SDK1: variants seen among roughly 807,000 people sequenced by gnomAD.
SDK1 encodes the protein sidekick cell adhesion molecule 1, also known as protein sidekick-1.
In SDK1, 157 loss-of-function variants were observed where a neutral mutation model predicts 245.5. The observed-to-expected ratio is 0.64, with a 90% confidence interval of 0.56 to 0.73. The LOEUF is 0.73. Among genes scored for constraint, SDK1 ranks in the 30% least tolerant of loss-of-function variants. The pLI is 0.00. For synonymous variants in SDK1, 1,647 were observed against 1,278.5 expected (o/e 1.29, Z -6.15); for missense variants, 3,583 against 3,002.3 (o/e 1.19, Z -4.52).
intron 4 of SDK1, among the ~76,000 whole-genome samples, chr7:3,665,906 T>G (rs937794847): frequency 6.6e-6 from 1 of 152,168 alleles, no homozygotes; most frequent in African/African-American, 2.4e-5. Context: ...TGGTTCCATT[T>G]ATGAAGGGCA....
chr7:3,335,418 AT>A (rs1441040248), intron 1 of SDK1, among the ~76,000 whole-genome samples: 35 of 121,462 alleles, frequency 2.9e-4, no homozygotes, highest in Admixed American at 2.6e-3. Flanking sequence ...AATGGTACTT[AT>A]CTTTTTTTTT....
At chr7:3,503,141 G>T (rs1333254741) in intron 1 of SDK1, among the ~76,000 whole-genome samples, 7 of 152,104 alleles carry the variant, frequency 4.6e-5, no homozygotes, top group African/African-American at 1.7e-4. Context: ...TCTGCAAATG[G>T]CAAGGGAGTA....
intron 1 of SDK1, among the ~76,000 whole-genome samples, chr7:3,498,028 T>C (rs543563206): frequency 6.6e-6 from 1 of 152,346 alleles, no homozygotes; most frequent in South Asian, 2.1e-4. Flanking sequence ...TCGATTATAA[T>C]TGATTTAAAG....
chr7:3,965,662 C>T lies in SDK1; in HGVS notation c.1430-1656C>T, dbSNP rs545132226. On this transcript the variant is annotated intron_variant, in intron 9 of 44. Coordinates refer to ENST00000404826, the MANE Select transcript of SDK1 (RefSeq NM_152744.4). The stretch of plus-strand genomic sequence containing the variant: ...AAGACAGGTGAGGTTCCTGTGCTTC[C>T]AGGACAGAGGGTCTGCAGGGAGGAG... Among the ~76,000 whole-genome samples, 8 of 152,154 alleles carry T rather than the reference C, an allele frequency of 5.3e-5. No homozygotes were observed. The East Asian group carries it at 9.7e-4, about 18-fold the overall frequency.
chr7:3,631,272 G>A (rs1200324450), intron 2 of SDK1, among the ~76,000 whole-genome samples: 2 of 152,018 alleles, frequency 1.3e-5, no homozygotes, highest in Non-Finnish European at 2.9e-5. Context: ...AATCTATTGA[G>A]CTCTCTCTGT....
chr7:3,986,596 C>G (rs892978222), intron 13 of SDK1, among the ~76,000 whole-genome samples: 1 of 152,116 alleles, frequency 6.6e-6, no homozygotes, highest in African/African-American at 2.4e-5. Flanking sequence ...CATGGTGGCT[C>G]ACGCCTGTAA....
intron 1 of SDK1, among the ~76,000 whole-genome samples, chr7:3,526,664 G>T (rs974239789): frequency 5.3e-5 from 8 of 152,102 alleles, no homozygotes; most frequent in African/African-American, 1.9e-4. Flanking sequence ...GTTTCCTGCA[G>T]TCCCATTTAT....
chr7:3,367,442 G>C (rs1273581150), intron 1 of SDK1, among the ~76,000 whole-genome samples: 5 of 152,146 alleles, frequency 3.3e-5, no homozygotes, highest in Non-Finnish European at 5.9e-5. Flanking sequence ...CATCATTCCA[G>C]GTCCTATTTT....
chr7:3,793,988 C>A (rs1224025756), intron 4 of SDK1, among the ~76,000 whole-genome samples: 7 of 152,210 alleles, frequency 4.6e-5, no homozygotes, highest in Non-Finnish European at 7.3e-5. Context: ...GCACCTCCAA[C>A]CCCCACATCC....
At position 3,530,781 on chromosome 7, in the gene SDK1, G is replaced by C. The variant is rs575006044; in HGVS notation, c.299-88299G>C. Reference sequence around the variant, plus strand: ...TCAGCATTCATTTACCTCAGGAGAAGTTACTAGTGAGTCTTTGAATTTCAT... The same window carrying C: ...TCAGCATTCATTTACCTCAGGAGAACTTACTAGTGAGTCTTTGAATTTCAT... On this transcript the variant is annotated intron_variant, in intron 1 of 44. Transcript: ENST00000404826. 4.6e-5 allele frequency among the ~76,000 whole-genome samples: 7 copies of C among 152,308 alleles called. No individual in the cohort carries two copies. The East Asian group carries it at 1.3e-3, about 29-fold the overall frequency.
intron 22 of SDK1, among the ~76,000 whole-genome samples, chr7:4,100,549 G>A (rs560609314): frequency 6.6e-6 from 1 of 152,202 alleles, no homozygotes; most frequent in Admixed American, 6.5e-5. Flanking sequence ...GTCATGGGGT[G>A]GAGCCCTCAC....
chr7:4,077,600 A>G (rs1247730153), intron 21 of SDK1, among the ~76,000 whole-genome samples: 1 of 152,256 alleles, frequency 6.6e-6, no homozygotes, highest in African/African-American at 2.4e-5. Context: ...ATGGACTTAC[A>G]GTTCCGTATG....
intron 7 of SDK1, chr7:3,957,914 C>T (rs186421846): frequency 2.1e-6 from 1 of 465,548 alleles, no homozygotes; most frequent in African/African-American, 2.0e-5. Flanking sequence ...ATTCTTTCTG[C>T]TTGAGTGGTC....
chr7:4,130,700 C>T (rs1384550742), intron 27 of SDK1, among the ~76,000 whole-genome samples: 2 of 152,192 alleles, frequency 1.3e-5, no homozygotes, highest in East Asian at 3.9e-4. Context: ...TTTCATGGAA[C>T]TCTAAATCAT....
chr7:3,915,607 G>A (rs1779347066), intron 5 of SDK1, among the ~76,000 whole-genome samples: 1 of 152,194 alleles, frequency 6.6e-6, no homozygotes, highest in African/African-American at 2.4e-5. Context: ...GGCACTGCGA[G>A]TCCATTAAGC....
chr7:3,969,002 A>C (rs1031368629), intron 10 of SDK1, among the ~76,000 whole-genome samples: 6 of 152,154 alleles, frequency 3.9e-5, no homozygotes, highest in African/African-American at 2.4e-5. Flanking sequence ...CAAAGGGGGA[A>C]GTGCCAAACA....
chr7:3,563,854 A>G (rs1779824194), intron 1 of SDK1, among the ~76,000 whole-genome samples: 1 of 152,230 alleles, frequency 6.6e-6, no homozygotes, highest in South Asian at 2.1e-4. Context: ...AGGTTCACTC[A>G]GTATAATGCA....
intron 17 of SDK1, among the ~76,000 whole-genome samples, chr7:4,036,570 C>T (rs906164952): frequency 8.5e-5 from 13 of 152,202 alleles, no homozygotes; most frequent in African/African-American, 2.4e-4. Flanking sequence ...TACACGTACA[C>T]GTTAGTATAT....
intron 25 of SDK1, among the ~76,000 whole-genome samples, chr7:4,126,383 G>A (rs1284550390): frequency 6.6e-6 from 1 of 152,252 alleles, no homozygotes; most frequent in Non-Finnish European, 1.5e-5. Context: ...AATTAGTTCA[G>A]TGATGTTGTA....
Sources: allele counts gnomAD v4.1 joint callset (sites outside exome capture counted in the v4.1 genomes callset), GRCh38; gene constraint gnomAD v4.1.1; transcripts MANE v1.5; gene names NCBI Gene and HGNC (gene_info 2026-07-23, HGNC 2026-07-21).